MAGI1: variants seen among roughly 807,000 people sequenced by gnomAD.
The protein encoded by MAGI1 is membrane associated guanylate kinase, WW and PDZ domain containing 1, also known as membrane-associated guanylate kinase, WW and PDZ domain-containing protein 1.
In MAGI1, 58 loss-of-function variants were observed where a neutral mutation model predicts 139.9. The observed-to-expected ratio is 0.41, with a 90% CI of 0.34 to 0.52. The LOEUF (loss-of-function observed/expected upper bound fraction) is 0.52. MAGI1 is among the 20% of genes least tolerant of loss of function. The pLI is 0.12. For synonymous variants in MAGI1, 812 were observed against 737.9 expected (o/e 1.10, Z -1.63); for missense variants, 1,874 against 1,901.6 (o/e 0.99, Z 0.27).
intron 1 of MAGI1, among the ~76,000 whole-genome samples, chr3:65,686,658 A>AT (rs1009769895): frequency 2.6e-5 from 4 of 152,186 alleles, no homozygotes; most frequent in African/African-American, 9.6e-5. Flanking sequence ...CAAAACTGGG[A>AT]TTTAACAGGC....
At chr3:65,413,847 T>C (rs1945985173) in intron 12 of MAGI1, among the ~76,000 whole-genome samples, 1 of 152,158 alleles carries the variant, frequency 6.6e-6, no homozygotes, top group African/African-American at 2.4e-5. Context: ...TCCAGTACAT[T>C]GGAGATGCAG....
intron 1 of MAGI1, among the ~76,000 whole-genome samples, chr3:65,710,743 C>T (rs930387686): frequency 2.6e-5 from 4 of 152,218 alleles, no homozygotes; most frequent in Admixed American, 6.5e-5. Context: ...CAAGGTCACA[C>T]AACAAATCAA....
At chr3:65,505,668 A>AATG (rs3075744) in intron 2 of MAGI1, among the ~76,000 whole-genome samples, 1 of 149,268 alleles carries the variant, frequency 6.7e-6, no homozygotes, top group Non-Finnish European at 1.5e-5. Context: ...TAATAATAAT[A>AATG]GGGAATGACT....
intron 1 of MAGI1, among the ~76,000 whole-genome samples, chr3:65,968,292 T>C (rs957123391): frequency 6.6e-6 from 1 of 152,188 alleles, no homozygotes; most frequent in African/African-American, 2.4e-5. Flanking sequence ...CAATTATATG[T>C]GCATAAAGAT....
At chr3:65,530,658 T>TACATATATATATAC (rs1559642194) in intron 2 of MAGI1, among the ~76,000 whole-genome samples, 3 of 130,616 alleles carry the variant, frequency 2.3e-5, no homozygotes, top group African/African-American at 9.8e-5. Flanking sequence ...TGTGTGTGTG[T>TACATATATATATAC]GTGTATATAT....
intron 12 of MAGI1, among the ~76,000 whole-genome samples, chr3:65,427,987 A>T (rs11922791): frequency 0.051 from 7,687 of 152,084 alleles, 345 homozygotes; most frequent in African/African-American, 0.12. Context: ...ATGACATTTT[A>T]AAAAAAATAA....
At chr3:66,013,982 G>A (rs1330158442) in intron 1 of MAGI1, among the ~76,000 whole-genome samples, 2 of 152,102 alleles carry the variant, frequency 1.3e-5, no homozygotes, top group Non-Finnish European at 2.9e-5. Flanking sequence ...GCTCCGCAGT[G>A]AACCACTACA....
chr3:65,721,526 T>G (rs1279466368), intron 1 of MAGI1, among the ~76,000 whole-genome samples: 1 of 152,232 alleles, frequency 6.6e-6, no homozygotes, highest in Non-Finnish European at 1.5e-5. Flanking sequence ...GATATGCTAA[T>G]GTAGGCTTAA....
rs764002832 is a variant in MAGI1, at chr3:65,361,271, C to G, written c.3562G>C (p.Glu1188Gln). The G allele has an allele frequency of 1.9e-6, 3 of 1,614,190 alleles. No individual in the cohort carries two copies. Among genetic ancestry groups the G allele is most frequent in the Non-Finnish European group, 2.5e-6 (3 of 1,180,016 alleles). Residue 1188 changes from glutamate to glutamine, a missense_variant, in exon 22 of 23, where the codon GAA (glutamate) becomes CAA (glutamine). Around this residue, in one of 5 missense-constraint regions of MAGI1, gnomAD observed 653 missense variants for 644.5 expected, o/e 1.01. Transcript: ENST00000402939. ...CTGCGGCCACCATTCTTAATCAGTT[C>G]TATAGCTCGAGAATGCTTCATGTTT... ...TKNMKHSRAI[E>Q]LIKNGGRRVR...
intron 1 of MAGI1, among the ~76,000 whole-genome samples, chr3:65,900,811 T>C (rs1459592145): frequency 1.3e-5 from 2 of 152,206 alleles, no homozygotes; most frequent in African/African-American, 4.8e-5. Flanking sequence ...TTATGAACCA[T>C]TGAGAATCCT....
At chr3:65,931,322 C>G (rs527922944) in intron 1 of MAGI1, among the ~76,000 whole-genome samples, 1 of 152,158 alleles carries the variant, frequency 6.6e-6, no homozygotes, top group South Asian at 2.1e-4. Context: ...CATGAGCCAC[C>G]GCACCCGGCC....
At chr3:65,536,338 G>C (rs1303763534) in intron 2 of MAGI1, among the ~76,000 whole-genome samples, 2 of 152,086 alleles carry the variant, frequency 1.3e-5, no homozygotes, top group Non-Finnish European at 2.9e-5. Context: ...ACCTGCATGG[G>C]ATAATATGAA....
chr3:65,880,680 G>A (rs781560886), intron 1 of MAGI1, among the ~76,000 whole-genome samples: 6 of 151,866 alleles, frequency 4.0e-5, no homozygotes, highest in Non-Finnish European at 5.9e-5. Context: ...AGATTCCACC[G>A]GGAGAACATC....
intron 1 of MAGI1, among the ~76,000 whole-genome samples, chr3:65,677,279 AGGG>A (rs1006601731): frequency 6.6e-6 from 1 of 151,814 alleles, no homozygotes; most frequent in African/African-American, 2.4e-5. Context: ...ATATTTTGGG[AGGG>A]GATTTTTACT....
At chr3:65,790,752 G>A (rs534257412) in intron 1 of MAGI1, among the ~76,000 whole-genome samples, 1 of 152,248 alleles carries the variant, frequency 6.6e-6, no homozygotes, top group African/African-American at 2.4e-5. Flanking sequence ...TGTGCTTTTC[G>A]GTTCTATAGT....
In MAGI1 at chr3:65,696,455, A is replaced by T. The variant is rs1417582238; in HGVS notation, c.314-74367T>A. Among the ~76,000 whole-genome samples, 3 of 152,126 alleles carry T rather than the reference A, an allele frequency of 2.0e-5. No individual in the cohort carries two copies. The South Asian group carries it at 6.2e-4, about 32-fold the overall frequency. On this transcript the variant is annotated intron_variant, in intron 1 of 22. Transcript: ENST00000402939. The stretch of plus-strand genomic sequence containing the variant: ...TTTACATTCATGGGGCATCTCTAAC[A>T]CTTAGAACAGTAGTTGATACATAAG...
At chr3:65,760,072 T>C (rs922045484) in intron 1 of MAGI1, among the ~76,000 whole-genome samples, 2 of 152,060 alleles carry the variant, frequency 1.3e-5, no homozygotes, top group Non-Finnish European at 2.9e-5. Flanking sequence ...ACTCTCAACA[T>C]AGGGTCTGGA....
At chr3:65,754,272 T>C (rs928622318) in intron 1 of MAGI1, among the ~76,000 whole-genome samples, 2 of 152,152 alleles carry the variant, frequency 1.3e-5, no homozygotes, top group African/African-American at 4.8e-5. Context: ...GTAAAAACAA[T>C]GGCACATTTA....
At chr3:65,605,858 T>C (rs2082714255) in intron 2 of MAGI1, among the ~76,000 whole-genome samples, 1 of 152,102 alleles carries the variant, frequency 6.6e-6, no homozygotes, top group African/African-American at 2.4e-5. Context: ...AGAATCAAAC[T>C]CTGAAATGAA....
Sources: allele counts gnomAD v4.1 joint callset (sites outside exome capture counted in the v4.1 genomes callset), GRCh38; gene constraint gnomAD v4.1.1; regional missense constraint gnomAD v4.1.1; transcripts MANE v1.5; gene names NCBI Gene and HGNC (gene_info 2026-07-23, HGNC 2026-07-21).